The following AMBRA1 variants were observed in gnomAD, a reference collection of about 807,000 sequenced individuals.
AMBRA1 encodes activating molecule in BECN1-regulated autophagy protein 1.
AMBRA1 carries 47 observed loss-of-function variants against 125.4 expected under a neutral mutation model. The observed-to-expected ratio is 0.37, with a 90% CI of 0.30 to 0.48. The LOEUF (loss-of-function observed/expected upper bound fraction) is 0.48, where lower values mean the gene tolerates loss of function less well. Ranked by LOEUF, AMBRA1 falls within the 20% of genes least tolerant of loss-of-function variation. AMBRA1 has a pLI of 0.99. For synonymous variants in AMBRA1, 626 were observed against 655.5 expected (o/e 0.95, Z 0.69); for missense variants, 1,331 against 1,693.4 (o/e 0.79, Z 3.76).
intron 16 of AMBRA1, among the ~76,000 whole-genome samples, chr11:46,409,744 C>T (rs1224805662): frequency 6.6e-6 from 1 of 152,264 alleles, no homozygotes; most frequent in Non-Finnish European, 1.5e-5. Flanking sequence ...ACTATTCCTC[C>T]AGCTATGCTC....
intron 9 of AMBRA1, among the ~76,000 whole-genome samples, chr11:46,506,011 T>G (rs1951023676): frequency 6.6e-6 from 1 of 152,154 alleles, no homozygotes; most frequent in Non-Finnish European, 1.5e-5. Flanking sequence ...CCCAGGCTTT[T>G]CAGCAGCACT....
At chr11:46,476,865 C>T (rs1459796066) in intron 11 of AMBRA1, among the ~76,000 whole-genome samples, 1 of 152,174 alleles carries the variant, frequency 6.6e-6, no homozygotes, top group Non-Finnish European at 1.5e-5. Context: ...GTAATTCCAG[C>T]ACTTTGGGAG....
intron 8 of AMBRA1, among the ~76,000 whole-genome samples, chr11:46,509,044 A>T (rs1253250483): frequency 1.3e-5 from 2 of 152,246 alleles, no homozygotes; most frequent in African/African-American, 4.8e-5. Context: ...GAGAACAGAA[A>T]ATCTAACAGA....
intron 11 of AMBRA1, among the ~76,000 whole-genome samples, chr11:46,460,688 C>T (rs1949060109): frequency 1.3e-5 from 2 of 152,170 alleles, no homozygotes; most frequent in South Asian, 4.1e-4. Flanking sequence ...AGATAAAGTA[C>T]AACCATATAA....
intron 1 of AMBRA1, among the ~76,000 whole-genome samples, chr11:46,555,871 A>G (rs761094463): frequency 6.6e-6 from 1 of 152,252 alleles, no homozygotes; most frequent in Non-Finnish European, 1.5e-5. Context: ...AAGCTGTTAA[A>G]ATGGAGTCCA....
intron 1 of AMBRA1, among the ~76,000 whole-genome samples, chr11:46,565,018 A>C (rs1198071256): frequency 6.6e-6 from 1 of 152,178 alleles, no homozygotes; most frequent in Non-Finnish European, 1.5e-5. Flanking sequence ...CCACTTTAGG[A>C]GGCCAAGGCT....
chr11:46,424,966 C>T (rs543416744), intron 14 of AMBRA1, among the ~76,000 whole-genome samples: 86 of 152,150 alleles, frequency 5.7e-4, no homozygotes, highest in African/African-American at 2.0e-3. Flanking sequence ...GAAACCCCAT[C>T]TCTACTAAAA....
At chr11:46,427,965 T>C (rs188805954) in intron 14 of AMBRA1, among the ~76,000 whole-genome samples, 175 of 136,508 alleles carry the variant, frequency 1.3e-3, no homozygotes, top group Non-Finnish European at 2.3e-3. Flanking sequence ...GCCAAGGTTG[T>C]GCCACTGCAC....
intron 11 of AMBRA1, among the ~76,000 whole-genome samples, chr11:46,480,510 G>A (rs1950018245): frequency 1.3e-5 from 2 of 152,322 alleles, no homozygotes; most frequent in South Asian, 4.1e-4. Context: ...TCCCAGGGTT[G>A]TGCAACCCTC....
At chr11:46,427,757 C>T (rs1386096069) in intron 14 of AMBRA1, among the ~76,000 whole-genome samples, 1 of 152,100 alleles carries the variant, frequency 6.6e-6, no homozygotes, top group East Asian at 1.9e-4. Flanking sequence ...GCCTGTAATC[C>T]CAGCACTTTG....
intron 1 of AMBRA1, among the ~76,000 whole-genome samples, chr11:46,568,597 C>T (rs1026895400): frequency 6.6e-6 from 1 of 151,636 alleles, no homozygotes; most frequent in Non-Finnish European, 1.5e-5. Flanking sequence ...ACAGAGACAC[C>T]CCATCTCTAC....
At chr11:46,433,716 T>C in intron 13 of AMBRA1, 88 bp from the exon 14 acceptor site, 1 of 1,358,088 alleles carries the variant, frequency 7.4e-7, no homozygotes. Context: ...TCTTTTTCTC[T>C]AATCTTCATA....
intron 15 of AMBRA1, among the ~76,000 whole-genome samples, chr11:46,411,796 A>T (rs1156448619): frequency 1.3e-5 from 2 of 148,814 alleles, no homozygotes; most frequent in Non-Finnish European, 3.0e-5. Context: ...TTTTTTTTTT[A>T]TTTTTTATTG....
intron 13 of AMBRA1, among the ~76,000 whole-genome samples, chr11:46,434,633 C>T (rs566491728): frequency 2.0e-5 from 3 of 152,328 alleles, no homozygotes; most frequent in East Asian, 1.9e-4. Flanking sequence ...TCCTGACCGT[C>T]GTAACAGGGG....
In AMBRA1 at chr11:46,556,492, G is replaced by A. The variant is rs559958417; in HGVS notation, c.-120-7992C>T. On this transcript the variant is annotated intron_variant, in intron 1 of 17. Transcript: ENST00000683756. Reference sequence around the variant, plus strand: ...GTGTGCAAAAGATATCCAAGGATATGGCAAAGTGCTAACTGGTTAACTCTA... The same window carrying A: ...GTGTGCAAAAGATATCCAAGGATATAGCAAAGTGCTAACTGGTTAACTCTA... 1.9e-4 allele frequency among the ~76,000 whole-genome samples: 29 copies of A among 152,288 alleles called. No individual in the cohort carries two copies. The East Asian group carries it at 3.1e-3, about 16-fold the overall frequency.
At chr11:46,557,995 T>C (rs2043209048) in intron 1 of AMBRA1, among the ~76,000 whole-genome samples, 1 of 151,834 alleles carries the variant, frequency 6.6e-6, no homozygotes, top group African/African-American at 2.4e-5. Flanking sequence ...AGATACCATG[T>C]GGAGAGAGAG....
chr11:46,492,015 G>C (rs948077013), intron 11 of AMBRA1, among the ~76,000 whole-genome samples: 7 of 152,206 alleles, frequency 4.6e-5, no homozygotes, highest in African/African-American at 1.7e-4. Context: ...AAGAAGGGTG[G>C]AGAAGAGCTC....
intron 11 of AMBRA1, among the ~76,000 whole-genome samples, chr11:46,484,427 T>C (rs1950192297): frequency 6.6e-6 from 1 of 152,208 alleles, no homozygotes; most frequent in Non-Finnish European, 1.5e-5. Context: ...AAATGAGCAG[T>C]AATTCCAAGG....
intron 8 of AMBRA1, among the ~76,000 whole-genome samples, chr11:46,511,600 C>A (rs1951259567): frequency 6.6e-6 from 1 of 152,242 alleles, no homozygotes; most frequent in African/African-American, 2.4e-5. Context: ...GCCAACCCCA[C>A]AACTGTAAAT....
Sources: allele counts gnomAD v4.1 joint callset (sites outside exome capture counted in the v4.1 genomes callset), GRCh38; gene constraint gnomAD v4.1.1; transcripts MANE v1.5; gene names NCBI Gene and HGNC (gene_info 2026-07-23, HGNC 2026-07-21).